NEDD9: variants seen among roughly 807,000 people sequenced by gnomAD.
NEDD9 encodes enhancer of filamentation 1.
NEDD9 carries 26 observed loss-of-function variants against 76.6 expected under a neutral mutation model. The ratio of observed to expected loss-of-function variants is 0.34; its 90% CI spans 0.25 to 0.47. The LOEUF (loss-of-function observed/expected upper bound fraction) is 0.47, where lower values mean the gene tolerates loss of function less well. NEDD9 is among the 20% of genes least tolerant of loss of function. The pLI, the probability that NEDD9 is intolerant of heterozygous loss-of-function variation, is 1.00. For synonymous variants in NEDD9, 392 were observed against 414.2 expected (o/e 0.95, Z 0.65); for missense variants, 937 against 1,058.5 (o/e 0.89, Z 1.59).
Position 11,190,108 on chromosome 6 carries a change from C to T in NEDD9, c.1761G>A (p.Gln587=). ...TEYPHGGSQG[Q]LLHPGDHKAQ... ...CCTTGTGGTCACCAGGATGCAGCAG[C>T]TGTCCCTGGGAGCCACCGTGTGGGT... is the stretch of plus-strand genomic sequence containing the variant. Residue 587 remains glutamine (Q), a synonymous_variant, in exon 5 of 7, where the codon CAG becomes CAA. Coordinates refer to ENST00000379446, the MANE Select transcript of NEDD9 (RefSeq NM_006403.4). The surrounding 1 kb of genome is among the most constrained non-coding windows in gnomAD (Gnocchi z 5.8). 1 of 1,611,420 alleles carries T rather than the reference C, an allele frequency of 6.2e-7. No homozygotes were observed. The highest frequency in any genetic ancestry group is 1.1e-5 in the South Asian group (1 of 90,722).
chr6:11,298,885 A>C (rs1269044405), intron 3 of NEDD9, among the ~76,000 whole-genome samples: 1 of 152,168 alleles, frequency 6.6e-6, no homozygotes, highest in Non-Finnish European at 1.5e-5. Flanking sequence ...AGATGGACGA[A>C]TAGGAACAGC....
upstream of NEDD9, among the ~76,000 whole-genome samples, chr6:11,236,794 G>A (rs371088909): frequency 1.3e-5 from 2 of 152,096 alleles, no homozygotes; most frequent in East Asian, 1.9e-4. This position sits in a 1 kb window ranked among gnomAD's most constrained non-coding sequence, Gnocchi z 5.5. Flanking sequence ...ATACAGAGTC[G>A]ATCACATTAC....
chr6:11,285,565 A>C (rs1490961506), intron 3 of NEDD9, among the ~76,000 whole-genome samples: 1 of 152,162 alleles, frequency 6.6e-6, no homozygotes, highest in East Asian at 1.9e-4. Flanking sequence ...ATCCTCAAAA[A>C]CAAAAATCTT....
chr6:11,218,058 G>T (rs1013682609), intron 1 of NEDD9, among the ~76,000 whole-genome samples: 2 of 152,186 alleles, frequency 1.3e-5, no homozygotes, highest in Admixed American at 6.5e-5. Context: ...ATGTGCTTAC[G>T]CTCTACAGGA....
intron 5 of NEDD9, 30 bp from the exon 6 acceptor site, chr6:11,188,337 A>G (rs373228593): frequency 1.6e-5 from 24 of 1,517,120 alleles, no homozygotes; most frequent in Non-Finnish European, 2.2e-5. Context: ...AGAACATATT[A>G]TGTCATCACT....
intron 3 of NEDD9, among the ~76,000 whole-genome samples, chr6:11,300,396 C>T (rs986356602): frequency 6.6e-5 from 10 of 152,108 alleles, no homozygotes; most frequent in Non-Finnish European, 1.5e-4. Context: ...ATTGGTGTAC[C>T]TGAAAGTGAC....
chr6:11,331,538 C>A (rs1762038456), intron 2 of NEDD9, among the ~76,000 whole-genome samples: 1 of 151,846 alleles, frequency 6.6e-6, no homozygotes, highest in South Asian at 2.1e-4. Flanking sequence ...TAAAAGGGTT[C>A]AAAAAATGTT....
At position 11,190,958 on chromosome 6, in the gene NEDD9, G is replaced by A. The variant is rs34184473; in HGVS notation, c.911C>T (p.Pro304Leu). The A allele has an allele frequency of 2.1e-3, 3,390 of 1,613,970 alleles. 70 individuals carry two copies. In the African/African-American group the frequency reaches 0.039, roughly 19 times the overall value. Reference protein sequence around the residue: ...HQSLSPNHPPPQLGQSVGSQN... With the variant: ...HQSLSPNHPPLQLGQSVGSQN... Reference sequence around the variant, plus strand: ...AGAGCCCACTGACTGTCCGAGTTGCGGGGGTGGGTGATTCGGGGACAGGCT... The same window carrying A: ...AGAGCCCACTGACTGTCCGAGTTGCAGGGGTGGGTGATTCGGGGACAGGCT... Residue 304 changes from proline to leucine, a missense_variant, in exon 5 of 7, where the codon CCG becomes CTG. Physicochemically the swap from Pro to Leu is moderately conservative, Grantham distance 98. Transcript: ENST00000379446. The surrounding 1 kb of genome is among the most constrained non-coding windows in gnomAD (Gnocchi z 5.8).
chr6:11,190,180 G>A lies in NEDD9; in HGVS notation c.1689C>T (p.Ser563=). 6 of 1,614,236 alleles carry A rather than the reference G, an allele frequency of 3.7e-6. No individual in the cohort carries two copies. Among genetic ancestry groups the A allele is most frequent in the Non-Finnish European group, 5.1e-6 (6 of 1,180,040 alleles). Residue 563 remains serine (S), a synonymous_variant, in exon 5 of 7, where the codon AGC becomes AGT. Coordinates refer to ENST00000379446, the MANE Select transcript of NEDD9 (RefSeq NM_006403.4). This position sits in a 1 kb window ranked among gnomAD's most constrained non-coding sequence, Gnocchi z 5.8. ...TCTCCGGCCCATTCTTCAGATGCAA[G>A]CTGCCAGGGCCGGGTCTGAAGAGGG... ...AEALFRPGPG[S]LHLKNGPESI...
At chr6:11,318,488 C>T (rs913323967) in intron 2 of NEDD9, among the ~76,000 whole-genome samples, 1 of 152,110 alleles carries the variant, frequency 6.6e-6, no homozygotes, top group Non-Finnish European at 1.5e-5. Flanking sequence ...ATGACTCACT[C>T]ATGTTACATA....
intron 1 of NEDD9, among the ~76,000 whole-genome samples, chr6:11,346,171 G>A (rs531049169): frequency 7.2e-5 from 11 of 152,272 alleles, no homozygotes; most frequent in African/African-American, 2.4e-4. Flanking sequence ...CTCCAGCACT[G>A]GGGACAGTGT....
chr6:11,233,404 A>G (rs1331018300), upstream of NEDD9: 2 of 518,848 alleles, frequency 3.9e-6, no homozygotes, highest in Non-Finnish European at 7.7e-6. Context: ...GCTGAGGATA[A>G]AGGTTAGATG....
upstream of NEDD9, among the ~76,000 whole-genome samples, chr6:11,233,721 G>A (rs1367489529): frequency 6.6e-6 from 1 of 152,194 alleles, no homozygotes; most frequent in Non-Finnish European, 1.5e-5. Flanking sequence ...CCAGAAAACA[G>A]AAATGGTCAC....
chr6:11,303,349 G>T (rs1406351488), intron 3 of NEDD9, among the ~76,000 whole-genome samples: 1 of 152,126 alleles, frequency 6.6e-6, no homozygotes. Flanking sequence ...ACAAACCACT[G>T]CTCAATGAAA....
At chr6:11,234,865 C>A (rs1759566809), upstream of NEDD9, among the ~76,000 whole-genome samples, 1 of 152,058 alleles carries the variant, frequency 6.6e-6, no homozygotes, top group South Asian at 2.1e-4. Context: ...TGTCTGCCAC[C>A]ATACCTGGCT....
intron 3 of NEDD9, among the ~76,000 whole-genome samples, chr6:11,300,856 C>T (rs927083520): frequency 2.6e-4 from 39 of 152,238 alleles, no homozygotes; most frequent in African/African-American, 8.7e-4. Context: ...AAGAAGAGCT[C>T]CTGAAGGAAG....
At position 11,185,118 on chromosome 6, in the gene NEDD9, C is replaced by T; in HGVS notation, c.*44G>A. ...AAAACCAGACAGTATTTCCAGTTTT[C>T]CTTAGTAACCGTTAACGCAGTCCCC... On this transcript the variant is annotated 3_prime_UTR_variant, in exon 7 of 7. Transcript: ENST00000379446. 6.5e-7 allele frequency: 1 copy of T among 1,547,010 alleles called. No homozygotes were observed.
At chr6:11,319,281 G>T (rs1370113609) in intron 2 of NEDD9, among the ~76,000 whole-genome samples, 1 of 152,130 alleles carries the variant, frequency 6.6e-6, no homozygotes, top group Non-Finnish European at 1.5e-5. Context: ...GCCCTTTTCT[G>T]GGAATGGGGA....
chr6:11,206,966 G>A (rs745561242), intron 2 of NEDD9, among the ~76,000 whole-genome samples: 2 of 152,144 alleles, frequency 1.3e-5, no homozygotes, highest in Non-Finnish European at 2.9e-5. Context: ...CCCATGTATC[G>A]AGGCAAACAA....
Sources: allele counts gnomAD v4.1 joint callset (sites outside exome capture counted in the v4.1 genomes callset), GRCh38; gene constraint gnomAD v4.1.1; non-coding constraint Gnocchi (gnomAD v3.1); transcripts MANE v1.5; gene names NCBI Gene and HGNC (gene_info 2026-07-23, HGNC 2026-07-21).